The following DNAI4 variants were observed in gnomAD, a reference collection of about 807,000 sequenced individuals.
DNAI4 encodes dynein axonemal intermediate chain 4.
In DNAI4, 85 loss-of-function variants were observed where a neutral mutation model predicts 105.8. The observed-to-expected ratio is 0.80, with a 90% CI of 0.67 to 0.96. The LOEUF is 0.96. Among genes scored for constraint, DNAI4 ranks in the 40% least tolerant of loss-of-function variants. The pLI is 0.00. For missense variants in DNAI4, 1,014 were observed against 1,005.6 expected (o/e 1.01, Z -0.11); for synonymous variants, 352 against 331.5 (o/e 1.06, Z -0.67).
At chr1:66,884,550 T>A (rs1010033718) in intron 4 of DNAI4, among the ~76,000 whole-genome samples, 4 of 152,222 alleles carry the variant, frequency 2.6e-5, no homozygotes, top group African/African-American at 9.6e-5. Flanking sequence ...TGAACCATGC[T>A]TGCATCTCAG....
At chr1:66,878,611 T>G (rs945708610) in intron 4 of DNAI4, among the ~76,000 whole-genome samples, 1 of 152,208 alleles carries the variant, frequency 6.6e-6, no homozygotes, top group African/African-American at 2.4e-5. Context: ...TATACATCTA[T>G]GTTCATCTAT....
chr1:66,874,117 T>C (rs1381605364), intron 5 of DNAI4, among the ~76,000 whole-genome samples: 2 of 152,094 alleles, frequency 1.3e-5, no homozygotes, highest in Admixed American at 1.3e-4. Context: ...ATATTAATTT[T>C]AGATGGAGGA....
chr1:66,875,567 T>G (rs1423274909), intron 4 of DNAI4, among the ~76,000 whole-genome samples: 1 of 152,090 alleles, frequency 6.6e-6, no homozygotes, highest in African/African-American at 2.4e-5. Context: ...AAAATTCCAT[T>G]GAGAATTGAG....
rs1648857736 is a variant in DNAI4 at position 66,901,945 on chromosome 1, C to A, written c.345+3256G>T. Among the ~76,000 whole-genome samples the A allele has an allele frequency of 2.0e-5, 3 of 152,148 alleles. No homozygotes were observed. The South Asian group carries it at 6.2e-4, about 32-fold the overall frequency. Reference sequence around the variant, plus strand: ...TACAGGCTTTTGCCACCACACCTGGCTAATTTATTTTTTCATTTTCTTATA... The same window carrying A: ...TACAGGCTTTTGCCACCACACCTGGATAATTTATTTTTTCATTTTCTTATA... On this transcript the variant is annotated intron_variant, in intron 2 of 16. Transcript: ENST00000371026.
chr1:66,871,943 C>G (rs577443466), intron 5 of DNAI4, among the ~76,000 whole-genome samples: 2 of 152,136 alleles, frequency 1.3e-5, no homozygotes, highest in African/African-American at 4.8e-5. Flanking sequence ...TAATTCTATT[C>G]TGAAATTTTT....
intron 1 of DNAI4, among the ~76,000 whole-genome samples, chr1:66,916,220 A>G (rs1650064229): frequency 1.3e-5 from 2 of 152,190 alleles, no homozygotes; most frequent in Non-Finnish European, 2.9e-5. Flanking sequence ...TAAATCACAA[A>G]AGAGGATTTA....
At chr1:66,843,199 C>CAA (rs33928281) in intron 8 of DNAI4, among the ~76,000 whole-genome samples, 3,392 of 86,918 alleles carry the variant, frequency 0.039, 113 homozygotes, top group Middle Eastern at 0.044. Flanking sequence ...GACTCTGTCT[C>CAA]AAAAAAAAAA....
rs969266398 is a variant in DNAI4, at chr1:66,882,168, G to GT, written c.644-7232dup. Among the ~76,000 whole-genome samples the GT allele has an allele frequency of 7.2e-5, 11 of 151,802 alleles. No homozygotes were observed. In the East Asian group the frequency reaches 7.7e-4, roughly 11 times the overall value. On this transcript the variant is annotated intron_variant, in intron 4 of 16. Transcript: ENST00000371026. ...GGTGAAAACAGAGTAATACAGTTGG[G>GT]TTTTTTTTACTGTGAAATTTATGAA... is the stretch of plus-strand genomic sequence containing the variant.
intron 13 of DNAI4, chr1:66,828,676 G>A (rs983894817): frequency 6.6e-6 from 1 of 152,000 alleles, no homozygotes; most frequent in African/African-American, 2.4e-5. Flanking sequence ...TCTATAACAT[G>A]TTATAAATAT....
At chr1:66,814,240 G>T in intron 16 of DNAI4, 60 bp from the exon 17 acceptor site, 2 of 1,328,986 alleles carry the variant, frequency 1.5e-6, no homozygotes, top group South Asian at 1.3e-5. Context: ...AGGTAAAGTA[G>T]TCTTTAAAAT....
chr1:66,818,205 C>T (rs1645556968), intron 16 of DNAI4, among the ~76,000 whole-genome samples: 1 of 151,806 alleles, frequency 6.6e-6, no homozygotes, highest in African/African-American at 2.4e-5. Context: ...TTGATTTAGA[C>T]TTACAATCAT....
At chr1:66,821,091 CTTTT>C (rs55811909) in intron 16 of DNAI4, among the ~76,000 whole-genome samples, 539 of 80,348 alleles carry the variant, frequency 6.7e-3, no homozygotes, top group Non-Finnish European at 9.1e-3. Flanking sequence ...AAACATTTCT[CTTTT>C]TTTTTTTTTT....
chr1:66,848,232 C>T (rs911876247), intron 7 of DNAI4: 5 of 456,084 alleles, frequency 1.1e-5, no homozygotes, highest in African/African-American at 2.0e-5. Context: ...CACAACCTTT[C>T]CTTCATCTTC....
At chr1:66,912,307 CA>C (rs796376234) in intron 1 of DNAI4, among the ~76,000 whole-genome samples, 85 of 139,126 alleles carry the variant, frequency 6.1e-4, no homozygotes, top group South Asian at 4.4e-3. Context: ...CTCATGTCTA[CA>C]AAAAAAAAAA....
intron 7 of DNAI4, among the ~76,000 whole-genome samples, chr1:66,856,459 C>A (rs529094529): frequency 6.6e-6 from 1 of 151,544 alleles, no homozygotes; most frequent in Admixed American, 6.6e-5. Flanking sequence ...GGCGACAGAG[C>A]GAGACTCCGT....
intron 7 of DNAI4, among the ~76,000 whole-genome samples, chr1:66,861,888 G>A (rs947302061): frequency 6.6e-6 from 1 of 152,158 alleles, no homozygotes; most frequent in Non-Finnish European, 1.5e-5. Flanking sequence ...GAACTCACAT[G>A]TAGGAAAGAG....
At position 66,893,212 on chromosome 1, in the gene DNAI4, A is replaced by G; in HGVS notation, c.530+17T>C. On this transcript the variant is annotated intron_variant, in intron 3 of 16. Coordinates refer to ENST00000371026, the MANE Select transcript of DNAI4 (RefSeq NM_024763.5). ...ATATATGATAGAAAAAAGGAACTATATAATAGTATACTCTACCTTGTAAAC... is the reference window on the plus strand; with the variant it reads ...ATATATGATAGAAAAAAGGAACTATGTAATAGTATACTCTACCTTGTAAAC... 4 of 1,421,304 alleles carry G rather than the reference A, an allele frequency of 2.8e-6. No homozygotes were observed. The highest frequency in any genetic ancestry group is 2.8e-6 in the Non-Finnish European group (3 of 1,071,478). The allele number at this position is 1,421,304 out of a possible 1,614,324, so 88.0% of individuals were successfully genotyped here. A position where few individuals can be genotyped will look rare whatever the true frequency, so the allele number is the denominator to read the frequency against.
intron 2 of DNAI4, among the ~76,000 whole-genome samples, chr1:66,894,139 T>C (rs919348214): frequency 6.6e-6 from 1 of 152,178 alleles, no homozygotes; most frequent in African/African-American, 2.4e-5. Context: ...AAAAAATAGT[T>C]AACTGTAAAA....
intron 7 of DNAI4, among the ~76,000 whole-genome samples, chr1:66,853,803 A>G (rs2100561151): frequency 6.6e-6 from 1 of 152,368 alleles, no homozygotes; most frequent in East Asian, 1.9e-4. Context: ...CTTACAATCA[A>G]GAACAAAGGC....
Sources: gnomAD v4.1 joint callset for allele counts (sites outside exome capture counted in the v4.1 genomes callset) on GRCh38, gnomAD v4.1.1 for gene constraint, MANE v1.5 for transcripts, NCBI Gene and HGNC (gene_info 2026-07-23, HGNC 2026-07-21) for gene names.